The following F7 variants were observed in gnomAD, a reference collection of about 807,000 sequenced individuals.
The protein encoded by F7 is coagulation factor VII, also known as FVII coagulation protein.
F7 carries 38 observed loss-of-function variants against 47.5 expected under a neutral mutation model. That is an observed-to-expected ratio of 0.80 (90% CI 0.62 to 1.05). The LOEUF is 1.05. Ranked by LOEUF, F7 falls within the 50% of genes least tolerant of loss-of-function variation. The pLI, the probability that F7 is intolerant of heterozygous loss-of-function variation, is 0.00. For missense variants in F7, 575 were observed against 605.4 expected (o/e 0.95, Z 0.53); for synonymous variants, 244 against 258.5 (o/e 0.94, Z 0.54).
chr13:113,110,735 G>A lies in F7; in HGVS notation c.110G>A (p.Arg37Gln), dbSNP rs766610592. The A allele has an allele frequency of 3.9e-6, 6 of 1,548,874 alleles. No homozygotes were observed. Among genetic ancestry groups the A allele is most frequent in the East Asian group, 4.9e-5 (2 of 40,860 alleles). Residue 37 changes from arginine (R) to glutamine (Q), a missense_variant, in exon 2 of 8, where the codon CGG becomes CAG. Arg to Gln is a conservative substitution (Grantham distance 43, BLOSUM62 1). Transcript: ENST00000346342. ...GCCCACGGCGTCCTGCACCGGCGCC[G>A]GCGCGCCAACGCGTTCCTGGAGGAG... ...EEAHGVLHRRRRANAFLEELR... is the reference protein window; with the variant it reads ...EEAHGVLHRRQRANAFLEELR...
In F7 at chr13:113,119,039, C is replaced by T. The variant is rs770004583; in HGVS notation, c.*31C>T. On this transcript the variant is annotated 3_prime_UTR_variant, in exon 8 of 8. Coordinates refer to ENST00000346342, the MANE Select transcript of F7 (RefSeq NM_019616.4). ...CAGCCCTGGCCTGTGGAGAGAAAGCCAAGGCTGCGTCGAACTGTCCTGGCA... is the reference window on the plus strand; with the variant it reads ...CAGCCCTGGCCTGTGGAGAGAAAGCTAAGGCTGCGTCGAACTGTCCTGGCA... 2.3e-5 allele frequency: 36 copies of T among 1,575,648 alleles called. No individual in the cohort carries two copies. The highest frequency in any genetic ancestry group is 1.4e-4 in the South Asian group (13 of 90,278).
rs747876824 is a variant in F7, at chr13:113,118,655, C to T, written c.982C>T (p.Arg328Cys). The T allele has an allele frequency of 1.2e-5, 20 of 1,612,544 alleles. No individual in the cohort carries two copies. The highest frequency in any genetic ancestry group is 2.2e-5 in the South Asian group (2 of 91,074). The change falls in exon 8 of 8, where the codon CGT becomes TGT. Residue 328 changes from arginine (R) to cysteine (C), a missense_variant. Coordinates refer to ENST00000346342, the MANE Select transcript of F7 (RefSeq NM_019616.4). ...CAGCGGCTGGGGCCAGCTGCTGGACCGTGGCGCCACGGCCCTGGAGCTCAT... is the reference window on the plus strand; with the variant it reads ...CAGCGGCTGGGGCCAGCTGCTGGACTGTGGCGCCACGGCCCTGGAGCTCAT... ...LVSGWGQLLDRGATALELMVL... is the reference protein window; with the variant it reads ...LVSGWGQLLDCGATALELMVL...
intron 4 of F7, 98 bp downstream of exon 4, chr13:113,114,058 G>T: frequency 2.3e-6 from 3 of 1,321,826 alleles, no homozygotes; most frequent in Admixed American, 1.9e-5. Context: ...ACCTGGTGGG[G>T]TGTGTAGGCC....
At chr13:113,106,755 G>A (rs987425947) in intron 1 of F7, 6 of 1,266,594 alleles carry the variant, frequency 4.7e-6, no homozygotes, top group Non-Finnish European at 6.7e-6. Context: ...GCGAGTGGGG[G>A]GTGGGCTGTG....
rs1566907885 is a variant in F7, at chr13:113,113,278, C to A, written c.226-474C>A. ...TATACACCTAGTTTTGAAAGCATTT[C>A]TCATCTGTTGTATTCTCACAGCACC... On this transcript the variant is annotated intron_variant, in intron 2 of 7. Coordinates refer to ENST00000346342, the MANE Select transcript of F7 (RefSeq NM_019616.4). The surrounding 1 kb of genome is among the most constrained non-coding windows in gnomAD (Gnocchi z 4.1). 6.6e-6 allele frequency among the ~76,000 whole-genome samples: 1 copy of A among 152,244 alleles called. No individual in the cohort carries two copies. The highest frequency in any genetic ancestry group is 2.4e-5 in the African/African-American group (1 of 41,464).
intron 1 of F7, among the ~76,000 whole-genome samples, chr13:113,109,606 G>C (rs1041544179): frequency 1.2e-4 from 18 of 152,300 alleles, no homozygotes; most frequent in African/African-American, 3.8e-4. Context: ...GTCCACCTGA[G>C]GCCTCGTCCT....
At chr13:113,116,522 G>C (rs2036194608) in intron 5 of F7, among the ~76,000 whole-genome samples, 1 of 152,232 alleles carries the variant, frequency 6.6e-6, no homozygotes. Flanking sequence ...TCCAAAACCA[G>C]CCCTGACCAT....
chr13:113,108,597 C>T (rs2036018620), intron 1 of F7, among the ~76,000 whole-genome samples: 1 of 71,672 alleles, frequency 1.4e-5, no homozygotes, highest in African/African-American at 6.2e-5. Context: ...GTGGGTGTCC[C>T]GGAGGCGAGG....
chr13:113,114,046 C>T, intron 4 of F7, 86 bp downstream of exon 4: 1 of 1,441,450 alleles, frequency 6.9e-7, no homozygotes, highest in Non-Finnish European at 9.6e-7. Context: ...GCAGGGTGCA[C>T]AACCTGGTGG....
intron 1 of F7, among the ~76,000 whole-genome samples, chr13:113,106,343 T>G (rs1249847906): frequency 1.9e-4 from 2 of 10,294 alleles, no homozygotes; most frequent in Admixed American, 1.7e-3. Context: ...GCGTAGGGGA[T>G]GGGGTGTGGA....
intron 1 of F7, among the ~76,000 whole-genome samples, chr13:113,107,895 A>G (rs867847910): frequency 0.022 from 657 of 29,474 alleles, 44 homozygotes; most frequent in African/African-American, 0.074. Flanking sequence ...AGGCGAGGGT[A>G]TCCCAGAAGT....
In F7 at chr13:113,120,034, T is replaced by G. The variant is rs1032798482; in HGVS notation, c.*1026T>G. 6.6e-6 allele frequency: 1 copy of G among 152,272 alleles called. No homozygotes were observed. The highest frequency in any genetic ancestry group is 1.5e-5 in the Non-Finnish European group (1 of 68,064). The allele number at this position is 152,272 out of a possible 1,614,324, so 9.4% of individuals were successfully genotyped here. A position where few individuals can be genotyped will look rare whatever the true frequency, so the allele number is the denominator to read the frequency against. On this transcript the variant is annotated 3_prime_UTR_variant, in exon 8 of 8. Coordinates refer to ENST00000346342, the MANE Select transcript of F7 (RefSeq NM_019616.4). Reference sequence around the variant, plus strand: ...CACACCTGTGGTGCCTGCCACCCACTGGGTTGCCCATGATTCATTTTTGGA... The same window carrying G: ...CACACCTGTGGTGCCTGCCACCCACGGGGTTGCCCATGATTCATTTTTGGA...
chr13:113,111,203 C>T (rs2036087339), intron 2 of F7, among the ~76,000 whole-genome samples: 1 of 152,188 alleles, frequency 6.6e-6, no homozygotes, highest in African/African-American at 2.4e-5. Flanking sequence ...CAGACGCGCG[C>T]GGCTCGCAGA....
In F7 at chr13:113,116,716, C is replaced by T. The variant is rs188842081; in HGVS notation, c.506-50C>T. 21 of 1,381,272 alleles carry T rather than the reference C, an allele frequency of 1.5e-5. No individual in the cohort carries two copies. In the East Asian group the frequency reaches 3.0e-4, roughly 20 times the overall value. 85.6% of individuals were successfully genotyped at this position (1,381,272 alleles called of 1,614,324 possible). A position where few individuals can be genotyped will look rare whatever the true frequency, so the allele number is the denominator to read the frequency against. ...TGTTTCTGAATCTTTCCTAGTGGCA[C>T]GTTCATCCCTCACAAATCTCTGCAT... On this transcript the variant is annotated intron_variant, in intron 5 of 7. Coordinates refer to ENST00000346342, the MANE Select transcript of F7 (RefSeq NM_019616.4).
intron 7 of F7, 77 bp from the exon 8 acceptor site, chr13:113,118,336 C>A: frequency 6.8e-7 from 1 of 1,468,144 alleles, no homozygotes; most frequent in East Asian, 2.3e-5. Flanking sequence ...CTAGAAATGG[C>A]CACAGCCCAT....
At position 113,116,195 on chromosome 13, in the gene F7, G is replaced by A. The variant is rs970478638; in HGVS notation, c.505+395G>A. 3.9e-5 allele frequency among the ~76,000 whole-genome samples: 6 copies of A among 152,174 alleles called. No individual in the cohort carries two copies. The East Asian group carries it at 1.2e-3, about 29-fold the overall frequency. ...CTCGTAAAGGCTCCTGGGAAAATGG[G>A]ATGTTTCTCCAAACCAGCCTGGAAC... On this transcript the variant is annotated intron_variant, in intron 5 of 7. Coordinates refer to ENST00000346342, the MANE Select transcript of F7 (RefSeq NM_019616.4).
rs919612910 is a variant in F7, at chr13:113,120,214, T to G, written c.*1206T>G. ...CAGGATCCTGTGGAATTGGATGTTC[T>G]CTCCCTGCCACAGCCCTTGTCAATG... On this transcript the variant is annotated 3_prime_UTR_variant, in exon 8 of 8. Coordinates refer to ENST00000346342, the MANE Select transcript of F7 (RefSeq NM_019616.4). 6 of 152,204 alleles carry G rather than the reference T, an allele frequency of 3.9e-5. No homozygotes were observed. Among genetic ancestry groups the G allele is most frequent in the African/African-American group, 1.4e-4 (6 of 41,450 alleles). 9.4% of individuals were successfully genotyped at this position (152,204 alleles called of 1,614,324 possible).
rs1266207647 is a variant in F7, at chr13:113,118,760, G to A, written c.1087G>A (p.Glu363Lys). Residue 363 changes from glutamate (E) to lysine (K), a missense_variant, in exon 8 of 8, where the codon GAG (glutamate) becomes AAG (lysine). Transcript: ENST00000346342. ...GGTGGGAGACTCCCCAAATATCACG[G>A]AGTACATGTTCTGTGCCGGCTACTC... Reference protein sequence around the residue: ...RKVGDSPNITEYMFCAGYSDG... With the variant: ...RKVGDSPNITKYMFCAGYSDG... The A allele has an allele frequency of 6.2e-7, 1 of 1,613,174 alleles. No individual in the cohort carries two copies. Among genetic ancestry groups the A allele is most frequent in the Non-Finnish European group, 8.5e-7 (1 of 1,179,966 alleles).
At chr13:113,107,866 G>A (rs1225238780) in intron 1 of F7, among the ~76,000 whole-genome samples, 1 of 90,386 alleles carries the variant, frequency 1.1e-5, no homozygotes, top group African/African-American at 3.8e-5. Flanking sequence ...TGGGTGTCCC[G>A]GGGGCGTGGG....
Sources: allele counts gnomAD v4.1 joint callset (sites outside exome capture counted in the v4.1 genomes callset), GRCh38; gene constraint gnomAD v4.1.1; non-coding constraint Gnocchi (gnomAD v3.1); transcripts MANE v1.5; gene names NCBI Gene and HGNC (gene_info 2026-07-23, HGNC 2026-07-21).